MYCBP2: variants seen among roughly 807,000 people sequenced by gnomAD.
MYCBP2 encodes the protein E3 ubiquitin-protein ligase MYCBP2.
Under a neutral mutation model 525.3 loss-of-function variants are expected in MYCBP2, and 120 were observed. The ratio of observed to expected loss-of-function variants is 0.23; its 90% CI spans 0.20 to 0.27. The LOEUF is 0.27. Among genes scored for constraint, MYCBP2 ranks in the 10% least tolerant of loss-of-function variants. The pLI is 1.00. For missense variants in MYCBP2, 4,149 were observed against 5,657.1 expected, an observed-to-expected ratio of 0.73 and a Z score of 8.55; for synonymous variants, 1,894 against 1,955.8, an observed-to-expected ratio of 0.97 and a Z score of 0.83.
At chr13:77,269,869 C>A in intron 7 of MYCBP2, 123 bp downstream of exon 7, 1 of 761,272 alleles carries the variant, frequency 1.3e-6, no homozygotes, top group East Asian at 2.6e-5. Flanking sequence ...GTTATTATGG[C>A]CATATTAGTA....
intron 21 of MYCBP2, among the ~76,000 whole-genome samples, chr13:77,214,925 C>A (rs1419344179): frequency 6.6e-6 from 1 of 152,096 alleles, no homozygotes; most frequent in African/African-American, 2.4e-5. Context: ...CAGTGCATAA[C>A]TGTGTATACA....
chr13:77,240,151 GAAT>G (rs1382107653), intron 17 of MYCBP2, among the ~76,000 whole-genome samples: 1 of 151,962 alleles, frequency 6.6e-6, no homozygotes. Context: ...GGAGTGCTAA[GAAT>G]AATATAAAGA....
chr13:77,284,019 G>A (rs1025349058), intron 3 of MYCBP2, among the ~76,000 whole-genome samples: 1 of 152,162 alleles, frequency 6.6e-6, no homozygotes, highest in Non-Finnish European at 1.5e-5. Flanking sequence ...GAAGCATTCA[G>A]GGAATAGAAA....
intron 3 of MYCBP2, among the ~76,000 whole-genome samples, chr13:77,286,818 A>ATATG (rs2076882656): frequency 8.0e-6 from 1 of 125,726 alleles, no homozygotes; most frequent in African/African-American, 3.1e-5. Flanking sequence ...ATATATATAT[A>ATATG]GACCTTCCAG....
intron 82 of MYCBP2, among the ~76,000 whole-genome samples, chr13:77,050,684 A>G (rs577216073): frequency 6.6e-6 from 1 of 152,192 alleles, no homozygotes; most frequent in African/African-American, 2.4e-5. Context: ...ATCCTTTTAA[A>G]TGGTTCTGTA....
chr13:77,282,839 T>C (rs1244555013), intron 3 of MYCBP2, among the ~76,000 whole-genome samples: 2 of 152,204 alleles, frequency 1.3e-5, no homozygotes, highest in Non-Finnish European at 2.9e-5. Flanking sequence ...AGAATATCTT[T>C]AGATTCTGCC....
chr13:77,074,469 C>G (rs1348133297), intron 68 of MYCBP2, among the ~76,000 whole-genome samples: 1 of 152,114 alleles, frequency 6.6e-6, no homozygotes, highest in African/African-American at 2.4e-5. Context: ...AACTTAAAAA[C>G]TTCTGTTCTC....
At position 77,270,051 on chromosome 13, in the gene MYCBP2, T is replaced by A; in HGVS notation, c.1201A>T (p.Asn401Tyr). The change falls in exon 7 of 83, where the codon AAT (asparagine) becomes TAT (tyrosine). Residue 401 changes from asparagine to tyrosine, a missense_variant. Physicochemically the swap from Asn to Tyr is moderately radical, Grantham distance 143. Transcript: ENST00000544440. ...CTGTTTCTAATACGGGATGTAGAAT[T>A]GTATATATGGCCCTGCAAAAAAAAC... ...YSGTVRGHIY[N>Y]STSRIRNRKE... 6.2e-7 allele frequency: 1 copy of A among 1,611,412 alleles called. No individual in the cohort carries two copies. Among genetic ancestry groups the A allele is most frequent in the Non-Finnish European group, 8.5e-7 (1 of 1,179,160 alleles).
At position 77,211,937 on chromosome 13, in the gene MYCBP2, T is replaced by G; in HGVS notation, c.3262+19A>C. On this transcript the variant is annotated intron_variant, in intron 22 of 82. Coordinates refer to ENST00000544440, the MANE Select transcript of MYCBP2 (RefSeq NM_015057.5). The stretch of plus-strand genomic sequence containing the variant: ...AAGACAAGAGTTTGGAAGGGGCATT[T>G]GTTTATTTCTGGTATTACCTATTAT... The G allele has an allele frequency of 6.3e-7, 1 of 1,581,520 alleles. No individual in the cohort carries two copies. The highest frequency in any genetic ancestry group is 2.2e-5 in the East Asian group (1 of 44,654).
At chr13:77,154,791 A>T (rs2057009165) in intron 46 of MYCBP2, among the ~76,000 whole-genome samples, 1 of 152,018 alleles carries the variant, frequency 6.6e-6, no homozygotes, top group Non-Finnish European at 1.5e-5. Context: ...TTTTCATATC[A>T]CTATCAGGAT....
intron 52 of MYCBP2, among the ~76,000 whole-genome samples, chr13:77,130,822 T>C (rs1240279900): frequency 6.6e-6 from 1 of 152,194 alleles, no homozygotes; most frequent in Admixed American, 6.5e-5. Context: ...TAAATTATTC[T>C]AGTATTAAAG....
chr13:77,219,323 CTT>C (rs1781488477), intron 20 of MYCBP2, among the ~76,000 whole-genome samples: 1 of 151,966 alleles, frequency 6.6e-6, no homozygotes, highest in African/African-American at 2.4e-5. Context: ...AAGGAGGTCT[CTT>C]TGGTGGAAGC....
At chr13:77,223,665 C>T (rs1195637451) in intron 20 of MYCBP2, among the ~76,000 whole-genome samples, 1 of 152,148 alleles carries the variant, frequency 6.6e-6, no homozygotes, top group Non-Finnish European at 1.5e-5. Context: ...TATGATTCTG[C>T]CATTCTCAGT....
chr13:77,317,600 G>A (rs1157693215), intron 1 of MYCBP2, among the ~76,000 whole-genome samples: 1 of 152,180 alleles, frequency 6.6e-6, no homozygotes, highest in Non-Finnish European at 1.5e-5. Context: ...ATCAGCTTCT[G>A]GACGGTGTGG....
chr13:77,139,096 G>A, intron 52 of MYCBP2, 100 bp downstream of exon 52: 1 of 1,286,344 alleles, frequency 7.8e-7, no homozygotes. Context: ...AGGTTACTTA[G>A]TTGTGGGTTA....
chr13:77,308,166 A>C (rs1284941177), intron 1 of MYCBP2, among the ~76,000 whole-genome samples: 1 of 152,088 alleles, frequency 6.6e-6, no homozygotes, highest in Non-Finnish European at 1.5e-5. Flanking sequence ...CAGCTACTTC[A>C]AAATCCCTCC....
At chr13:77,106,870 C>T (rs1192377483) in intron 55 of MYCBP2, among the ~76,000 whole-genome samples, 1 of 152,070 alleles carries the variant, frequency 6.6e-6, no homozygotes, top group Non-Finnish European at 1.5e-5. Context: ...CATTACCTGA[C>T]AGTTCTTCAA....
At chr13:77,256,737 T>C (rs2072258907) in intron 14 of MYCBP2, among the ~76,000 whole-genome samples, 1 of 152,048 alleles carries the variant, frequency 6.6e-6, no homozygotes, top group Non-Finnish European at 1.5e-5. Context: ...TAACAAATGT[T>C]GGAGAGGATG....
chr13:77,050,528 C>A (rs2036567650), intron 82 of MYCBP2, among the ~76,000 whole-genome samples: 1 of 151,876 alleles, frequency 6.6e-6, no homozygotes, highest in Non-Finnish European at 1.5e-5. Context: ...ACAATAATTT[C>A]TCCTGTATTC....
Sources: allele counts gnomAD v4.1 joint callset (sites outside exome capture counted in the v4.1 genomes callset), GRCh38; gene constraint gnomAD v4.1.1; transcripts MANE v1.5; gene names NCBI Gene and HGNC (gene_info 2026-07-23, HGNC 2026-07-21).